Variants in RUNDC1 observed in about 807,000 individuals in gnomAD.
RUNDC1 encodes RUN domain containing 1.
RUNDC1 carries 31 observed loss-of-function variants against 49.3 expected under a neutral mutation model. That is an observed-to-expected ratio of 0.63 (90% CI 0.47 to 0.85). The LOEUF (loss-of-function observed/expected upper bound fraction) is 0.85, where lower values mean the gene tolerates loss of function less well. Among genes scored for constraint, RUNDC1 ranks in the 40% least tolerant of loss-of-function variants. RUNDC1 has a pLI of 0.00. For synonymous variants in RUNDC1, 347 were observed against 348.6 expected (o/e 1.00, Z 0.05); for missense variants, 715 against 806.7 (o/e 0.89, Z 1.38).
intron 1 of RUNDC1, among the ~76,000 whole-genome samples, chr17:42,983,373 TC>T (rs1162686001): frequency 8.0e-5 from 12 of 149,962 alleles, no homozygotes; most frequent in African/African-American, 2.9e-4. Flanking sequence ...TTTTTCTTTT[TC>T]CTTTTTTTTT....
rs967422337 is a variant in RUNDC1, at chr17:42,994,085, T to C, written c.*2369T>C. Among the ~76,000 whole-genome samples, 1 of 152,230 alleles carries C rather than the reference T, an allele frequency of 6.6e-6. No homozygotes were observed. Among genetic ancestry groups the C allele is most frequent in the Non-Finnish European group, 1.5e-5 (1 of 68,046 alleles). On this transcript the variant is annotated 3_prime_UTR_variant, in exon 5 of 5. Transcript: ENST00000361677. ...ATTTGTCAGGCTAGTCTCGAACTCCTGACCTCAGGTGATCCACCCACTTCA... is the reference window on the plus strand; with the variant it reads ...ATTTGTCAGGCTAGTCTCGAACTCCCGACCTCAGGTGATCCACCCACTTCA...
intron 1 of RUNDC1, among the ~76,000 whole-genome samples, chr17:42,986,724 C>T (rs534936341): frequency 3.0e-4 from 45 of 152,092 alleles, no homozygotes; most frequent in African/African-American, 1.0e-3. Context: ...GATGGTCAAT[C>T]TCCTGACCTC....
chr17:42,991,116 CT>C lies in RUNDC1; in HGVS notation c.1243del (p.Ser415LeufsTer8). The part of the protein sequence containing the change: ...VITSANLQDL[S>X]LGGKDELTMA... ...TCACCTCTGCCAACCTCCAGGACCT[CT>C]CTCTGGGAGGCAAGGATGAGCTGAC... On this transcript the variant is annotated frameshift_variant, in exon 5 of 5. Coordinates refer to ENST00000361677, the MANE Select transcript of RUNDC1 (RefSeq NM_173079.5). LOFTEE classifies it high-confidence loss of function. 2 of 1,614,230 alleles carry C rather than the reference CT, an allele frequency of 1.2e-6. No homozygotes were observed. Among genetic ancestry groups the C allele is most frequent in the Non-Finnish European group, 1.7e-6 (2 of 1,180,042 alleles).
In RUNDC1 at chr17:42,981,079, G is replaced by C; in HGVS notation, c.498+5G>C. 1 of 1,561,180 alleles carries C rather than the reference G, an allele frequency of 6.4e-7. No individual in the cohort carries two copies. Among genetic ancestry groups the C allele is most frequent in the Non-Finnish European group, 8.6e-7 (1 of 1,161,782 alleles). ...TGGTTGCGGGGCGAGGACCAGGTGAGTGGCTGGAGCCGGGCCGCGAGGAAT... is the reference window on the plus strand; with the variant it reads ...TGGTTGCGGGGCGAGGACCAGGTGACTGGCTGGAGCCGGGCCGCGAGGAAT... On this transcript the variant is annotated splice_donor_5th_base_variant and intron_variant, in intron 1 of 4. Transcript: ENST00000361677.
chr17:42,989,463 C>G lies in RUNDC1; in HGVS notation c.780C>G (p.Ala260=), dbSNP rs1321599559. The change falls in exon 3 of 5, where the codon GCC becomes GCG. Residue 260 remains alanine (A), a synonymous_variant. Coordinates refer to ENST00000361677, the MANE Select transcript of RUNDC1 (RefSeq NM_173079.5). ...DAAVAQIVNP[A]RVKEQLVEQL... ...CAGTGGCTCAGATCGTCAACCCAGC[C>G]CGAGTCAAAGAACAGTTGGTTGAGC... is the stretch of plus-strand genomic sequence containing the variant. The G allele has an allele frequency of 6.2e-7, 1 of 1,613,944 alleles. No homozygotes were observed. The highest frequency in any genetic ancestry group is 1.3e-5 in the African/African-American group (1 of 74,868).
chr17:42,985,787 T>C (rs1181108188), intron 1 of RUNDC1: 1 of 615,562 alleles, frequency 1.6e-6, no homozygotes, highest in Non-Finnish European at 2.0e-6. Context: ...GAAGAACCAG[T>C]GTTTGAGAAT....
chr17:42,993,395 T>A lies in RUNDC1; in HGVS notation c.*1679T>A, dbSNP rs374502540. ...TCAGCATTGTTTTCATGTCTTAAAA[T>A]TGCCACCTGCACTTTGTTTCTGCAC... On this transcript the variant is annotated 3_prime_UTR_variant, in exon 5 of 5. Transcript: ENST00000361677. 4 of 152,216 alleles carry A rather than the reference T, an allele frequency of 2.6e-5. No individual in the cohort carries two copies. Among genetic ancestry groups the A allele is most frequent in the African/African-American group, 9.7e-5 (4 of 41,448 alleles). 9.4% of individuals were successfully genotyped at this position (152,216 alleles called of 1,614,324 possible).
Position 42,980,786 on chromosome 17 carries a change from C to A in RUNDC1, c.210C>A (p.Gly70=). ...CCGAGGAGCCTGGCGCGGCCCCGGG[C>A]TCCCCGCCGGATTCGCCGGGCCGGA... ...ATAEEPGAAP[G]SPPDSPGRTL... Residue 70 remains glycine (G), a synonymous_variant, in exon 1 of 5, where the codon GGC becomes GGA. Coordinates refer to ENST00000361677, the MANE Select transcript of RUNDC1 (RefSeq NM_173079.5). 1 of 1,421,148 alleles carries A rather than the reference C, an allele frequency of 7.0e-7. No homozygotes were observed. Among genetic ancestry groups the A allele is most frequent in the South Asian group, 1.5e-5 (1 of 67,476 alleles). The allele number at this position is 1,421,148 out of a possible 1,614,324, so 88.0% of individuals were successfully genotyped here. A position where few individuals can be genotyped will look rare whatever the true frequency, so the allele number is the denominator to read the frequency against.
Position 42,990,896 on chromosome 17 carries a change from T to G in RUNDC1, c.1022T>G (p.Leu341Arg), listed in dbSNP as rs1465576622. Residue 341 changes from leucine to arginine, a missense_variant, in exon 5 of 5, where the codon CTG becomes CGG. Physicochemically the swap from Leu to Arg is moderately radical, Grantham distance 102. Coordinates refer to ENST00000361677, the MANE Select transcript of RUNDC1 (RefSeq NM_173079.5). ...AAAGTCCGGGAGACGGGGCTGCACCTGATGCGGCGAGCGCTGGCCGTGCTC... is the reference window on the plus strand; with the variant it reads ...AAAGTCCGGGAGACGGGGCTGCACCGGATGCGGCGAGCGCTGGCCGTGCTC... ...VKKVRETGLH[L>R]MRRALAVLQI... 1 of 1,608,304 alleles carries G rather than the reference T, an allele frequency of 6.2e-7. No homozygotes were observed. Among genetic ancestry groups the G allele is most frequent in the African/African-American group, 1.3e-5 (1 of 74,854 alleles).
rs1311841469 is a variant in RUNDC1, at chr17:42,989,509, G to C, written c.826G>C (p.Asp276His). Reference protein sequence around the residue: ...LVEQLKTQIRDLEMFINFIQD... With the variant: ...LVEQLKTQIRHLEMFINFIQD... ...TGAGCAACTGAAAACTCAGATCCGA[G>C]ACCTTGAGATGTTTATCAACTTCAT... The change falls in exon 3 of 5, where the codon GAC becomes CAC. Residue 276 changes from aspartate to histidine, a missense_variant. Physicochemically the swap from Asp to His is moderately conservative, Grantham distance 81. Coordinates refer to ENST00000361677, the MANE Select transcript of RUNDC1 (RefSeq NM_173079.5). 3 of 1,614,210 alleles carry C rather than the reference G, an allele frequency of 1.9e-6. No homozygotes were observed. The highest frequency in any genetic ancestry group is 2.5e-6 in the Non-Finnish European group (3 of 1,180,042).
chr17:42,987,264 G>A lies in RUNDC1; in HGVS notation c.507G>A (p.Gln169=). ...PWLRGEDQSE[Q]EKQERLETQR... ...TTATTTTCTTGCCTTAGAGTGAGCA[G>A]GAAAAGCAAGAGCGTCTGGAAACCC... The change falls in exon 2 of 5, where the codon CAG becomes CAA. Residue 169 remains glutamine, a synonymous_variant. Transcript: ENST00000361677. 1 of 1,613,952 alleles carries A rather than the reference G, an allele frequency of 6.2e-7. No homozygotes were observed. Among genetic ancestry groups the A allele is most frequent in the Non-Finnish European group, 8.5e-7 (1 of 1,179,920 alleles).
intron 2 of RUNDC1, among the ~76,000 whole-genome samples, chr17:42,988,513 G>A (rs976258743): frequency 1.2e-4 from 18 of 151,820 alleles, no homozygotes; most frequent in African/African-American, 4.4e-4. Context: ...TTGGCCTCCC[G>A]AAGTGCTGGG....
chr17:42,983,018 GA>G (rs138243664), intron 1 of RUNDC1, among the ~76,000 whole-genome samples: 357 of 134,170 alleles, frequency 2.7e-3, no homozygotes, highest in Non-Finnish European at 4.0e-3. Flanking sequence ...ATTAAAAACT[GA>G]AAAAAAAAAA....
At chr17:42,988,674 G>A (rs1222620752) in intron 2 of RUNDC1, among the ~76,000 whole-genome samples, 6 of 152,062 alleles carry the variant, frequency 3.9e-5, no homozygotes, top group East Asian at 1.9e-4. Context: ...GGGATAAGAA[G>A]GATTAGAAAT....
chr17:42,986,202 C>G (rs915284147), intron 1 of RUNDC1, among the ~76,000 whole-genome samples: 3 of 152,000 alleles, frequency 2.0e-5, no homozygotes, highest in Admixed American at 6.6e-5. Flanking sequence ...AAGCCTTGAC[C>G]TCTTGTGCTT....
intron 1 of RUNDC1, among the ~76,000 whole-genome samples, chr17:42,983,216 T>TAA (rs60468535): frequency 0.049 from 6,397 of 130,496 alleles, 231 homozygotes; most frequent in East Asian, 0.17. Context: ...TGTACCACCT[T>TAA]AAAAAAAAAA....
At position 42,994,670 on chromosome 17, in the gene RUNDC1, C is replaced by G. The variant is rs570136682; in HGVS notation, c.*2954C>G. ...GAGACAGGCCGGCAGCCATGACTTT[C>G]ATGTCTAAGTTCTTGAAACCTAAAT... On this transcript the variant is annotated 3_prime_UTR_variant, in exon 5 of 5. Coordinates refer to ENST00000361677, the MANE Select transcript of RUNDC1 (RefSeq NM_173079.5). 3.3e-5 allele frequency among the ~76,000 whole-genome samples: 5 copies of G among 152,338 alleles called. No individual in the cohort carries two copies. Among genetic ancestry groups the G allele is most frequent in the African/African-American group, 1.2e-4 (5 of 41,584 alleles).
chr17:42,985,666 G>T (rs185661922), intron 1 of RUNDC1: 2 of 897,970 alleles, frequency 2.2e-6, no homozygotes, highest in African/African-American at 4.1e-5. Flanking sequence ...GGTAAGTACC[G>T]TTTTAAGGTT....
intron 2 of RUNDC1, among the ~76,000 whole-genome samples, chr17:42,987,842 T>A (rs1238904420): frequency 6.6e-6 from 1 of 152,156 alleles, no homozygotes; most frequent in Non-Finnish European, 1.5e-5. Flanking sequence ...AGCCTCTGCC[T>A]CCTGGGTTCA....
Sources: gnomAD v4.1 joint callset for allele counts (sites outside exome capture counted in the v4.1 genomes callset) on GRCh38, gnomAD v4.1.1 for gene constraint, MANE v1.5 for transcripts, NCBI Gene and HGNC (gene_info 2026-07-23, HGNC 2026-07-21) for gene names.